Variants in RANBP2 observed in about 807,000 individuals in gnomAD.
RANBP2 encodes E3 SUMO-protein ligase RanBP2.
A neutral mutation model predicts 303.6 loss-of-function variants in RANBP2; 57 were observed. That is an observed-to-expected ratio of 0.19 (90% CI 0.15 to 0.23). The LOEUF (loss-of-function observed/expected upper bound fraction) is 0.23, where lower values mean the gene tolerates loss of function less well. Ranked by LOEUF, RANBP2 falls within the 10% of genes least tolerant of loss-of-function variation. The probability of loss-of-function intolerance (pLI) is 1.00; values close to 1 mark genes in which losing one functional copy is unlikely to be tolerated. For missense variants in RANBP2, 3,138 were observed against 3,780.8 expected, an observed-to-expected ratio of 0.83 and a Z score of 4.46; for synonymous variants, 1,167 against 1,301.5, an observed-to-expected ratio of 0.90 and a Z score of 2.23.
At chr2:109,314,259 G>T in the RANBP2 span, among the ~76,000 whole-genome samples, 3 of 152,162 alleles carry the variant, frequency 2.0e-5, no homozygotes, top group African/African-American at 7.2e-5. Context: ...AGAAAGCAGG[G>T]GCTTGGCATA....
At chr2:109,465,675 T>C in the RANBP2 span, among the ~76,000 whole-genome samples, 1 of 152,216 alleles carries the variant, frequency 6.6e-6, no homozygotes, top group African/African-American at 2.4e-5. Flanking sequence ...CTGCAGGCTC[T>C]ACAGGAAGCA....
chr2:109,357,899 A>G, the RANBP2 span, among the ~76,000 whole-genome samples: 1 of 152,224 alleles, frequency 6.6e-6, no homozygotes, highest in Admixed American at 6.5e-5. Flanking sequence ...ATTTGTTACA[A>G]TCAATGAGCC....
At chr2:109,429,858 C>T in the RANBP2 span, among the ~76,000 whole-genome samples, 2 of 152,198 alleles carry the variant, frequency 1.3e-5, no homozygotes, top group Non-Finnish European at 2.9e-5. Flanking sequence ...TGCTCCCAGG[C>T]CACCAAGCTC....
chr2:109,490,854 C>A, the RANBP2 span: 1 of 1,536,168 alleles, frequency 6.5e-7, no homozygotes, highest in Non-Finnish European at 8.7e-7. Flanking sequence ...CTCCTTGGAT[C>A]TAAACTTCAC....
chr2:109,545,874 C>A, the RANBP2 span: 8 of 1,449,052 alleles, frequency 5.5e-6, no homozygotes, highest in Admixed American at 2.7e-5. Flanking sequence ...GTTCTGGATG[C>A]TGGGGAAACA....
chr2:109,411,612 T>C, the RANBP2 span, among the ~76,000 whole-genome samples: 1 of 152,170 alleles, frequency 6.6e-6, no homozygotes, highest in Non-Finnish European at 1.5e-5. Context: ...TTTGTACTTT[T>C]AGTTTTCATA....
chr2:109,392,940 A>T, the RANBP2 span, among the ~76,000 whole-genome samples: 1 of 152,156 alleles, frequency 6.6e-6, no homozygotes, highest in Non-Finnish European at 1.5e-5. Context: ...GAGGAGGGCG[A>T]AGGAACCAGT....
At chr2:109,712,938 C>T in the RANBP2 span, among the ~76,000 whole-genome samples, 1 of 152,226 alleles carries the variant, frequency 6.6e-6, no homozygotes, top group East Asian at 1.9e-4. Flanking sequence ...GGCTCTGCTT[C>T]GCTCCCCTGC....
the RANBP2 span, among the ~76,000 whole-genome samples, chr2:109,251,028 G>T: frequency 6.6e-6 from 1 of 151,174 alleles, no homozygotes; most frequent in East Asian, 1.9e-4. Context: ...TTGAGATTGA[G>T]TCTCACTCTG....
At chr2:109,455,151 G>T in the RANBP2 span, among the ~76,000 whole-genome samples, 2 of 152,202 alleles carry the variant, frequency 1.3e-5, no homozygotes, top group Non-Finnish European at 2.9e-5. Context: ...TTGGGTCCAA[G>T]TGCTGACTGT....
At chr2:108,856,961 G>A in the RANBP2 span, 1 of 1,591,994 alleles carries the variant, frequency 6.3e-7, no homozygotes. Context: ...CCAGATGACG[G>A]TGGAATCTAG....
At chr2:109,569,516 A>C in the RANBP2 span, among the ~76,000 whole-genome samples, 1 of 151,916 alleles carries the variant, frequency 6.6e-6, no homozygotes. Context: ...CATTGATGCC[A>C]AGTATATATC....
the RANBP2 span, among the ~76,000 whole-genome samples, chr2:109,148,386 A>AT: frequency 1.4e-4 from 21 of 152,342 alleles, no homozygotes; most frequent in African/African-American, 5.1e-4. Context: ...TGAGCCAGCC[A>AT]TCATAGGGAG....
the RANBP2 span, among the ~76,000 whole-genome samples, chr2:109,158,008 G>C: frequency 6.6e-6 from 1 of 152,186 alleles, no homozygotes; most frequent in Non-Finnish European, 1.5e-5. Flanking sequence ...CCCGTGGTAT[G>C]TTCTAGTTCT....
chr2:108,890,232 C>CTTT, the RANBP2 span, among the ~76,000 whole-genome samples: 12 of 114,698 alleles, frequency 1.0e-4, no homozygotes, highest in Non-Finnish European at 1.4e-4. Flanking sequence ...ATGGGGTTTT[C>CTTT]TTTTTTTTTT....
chr2:109,701,723 T>C, the RANBP2 span, among the ~76,000 whole-genome samples: 1 of 152,204 alleles, frequency 6.6e-6, no homozygotes, highest in East Asian at 1.9e-4. Flanking sequence ...GGTATCTTTG[T>C]AGCTATCTTA....
At chr2:109,191,871 AT>A in the RANBP2 span, among the ~76,000 whole-genome samples, 2 of 152,170 alleles carry the variant, frequency 1.3e-5, no homozygotes, top group African/African-American at 4.8e-5. Context: ...TGAGACCAGC[AT>A]TTTTGAAACC....
the RANBP2 span, among the ~76,000 whole-genome samples, chr2:108,996,869 C>T: frequency 3.9e-5 from 6 of 152,316 alleles, no homozygotes; most frequent in South Asian, 2.1e-4. Context: ...CCTGTGGCCC[C>T]ACCATCTGCC....
At chr2:108,773,502 A>G (rs528192223) in intron 23 of RANBP2, among the ~76,000 whole-genome samples, 2 of 152,366 alleles carry the variant, frequency 1.3e-5, no homozygotes, top group African/African-American at 2.4e-5. Context: ...GCCAAAAGCT[A>G]CAAAACACTG....
Sources: gnomAD v4.1 joint callset for allele counts (sites outside exome capture counted in the v4.1 genomes callset) on GRCh38, gnomAD v4.1.1 for gene constraint, MANE v1.5 for transcripts, NCBI Gene and HGNC (gene_info 2026-07-23, HGNC 2026-07-21) for gene names.